The following BIK variants were observed in gnomAD, a reference collection of about 807,000 sequenced individuals.
BIK encodes BCL2 interacting killer.
A neutral mutation model predicts 12.1 loss-of-function variants in BIK; 14 were observed. That is an observed-to-expected ratio of 1.16 (90% CI 0.77 to 1.81). The LOEUF (loss-of-function observed/expected upper bound fraction) is 1.81. Ranked by LOEUF, BIK falls within the 40% of genes most tolerant of loss-of-function variation. BIK has a pLI of 0.00. For synonymous variants in BIK, 86 were observed against 92.3 expected (o/e 0.93, Z 0.39); for missense variants, 215 against 207.9 (o/e 1.03, Z -0.21).
chr22:43,122,627 C>T (rs1035498706), intron 1 of BIK, among the ~76,000 whole-genome samples: 1 of 152,176 alleles, frequency 6.6e-6, no homozygotes, highest in Admixed American at 6.5e-5. Context: ...CAGAACCCTT[C>T]TCTGCCATCA....
intron 1 of BIK, among the ~76,000 whole-genome samples, chr22:43,122,996 G>A (rs752167843): frequency 1.4e-4 from 21 of 152,162 alleles, no homozygotes; most frequent in Non-Finnish European, 2.4e-4. Flanking sequence ...GAGGGCCATG[G>A]TTGGCTTAGA....
intron 3 of BIK, 74 bp from the exon 4 acceptor site, chr22:43,128,422 T>C (rs1601734491): frequency 1.3e-6 from 2 of 1,543,360 alleles, no homozygotes; most frequent in Non-Finnish European, 1.8e-6. Flanking sequence ...GCTGTGATGG[T>C]GTCATCTAAG....
intron 1 of BIK, among the ~76,000 whole-genome samples, chr22:43,112,418 C>T (rs561221725): frequency 3.0e-4 from 45 of 151,818 alleles, no homozygotes; most frequent in Non-Finnish European, 5.2e-4. Context: ...AAGCTAGTCT[C>T]GAACTCCTGA....
intron 1 of BIK, among the ~76,000 whole-genome samples, chr22:43,117,630 A>T (rs1298457559): frequency 1.3e-5 from 2 of 151,552 alleles, no homozygotes; most frequent in Non-Finnish European, 2.9e-5. Flanking sequence ...TCAACCTCCC[A>T]AAGTGCTGGG....
intron 1 of BIK, among the ~76,000 whole-genome samples, chr22:43,111,576 T>C (rs1930012873): frequency 1.3e-5 from 2 of 152,130 alleles, no homozygotes; most frequent in Non-Finnish European, 2.9e-5. Context: ...CTGGTCGTCG[T>C]CTGGGCTCTG....
intron 1 of BIK, among the ~76,000 whole-genome samples, chr22:43,111,425 G>T (rs1289145838): frequency 1.3e-5 from 2 of 152,180 alleles, no homozygotes; most frequent in African/African-American, 2.4e-5. Context: ...GCACAGGTGC[G>T]CCCCAGACTG....
At position 43,129,396 on chromosome 22, in the gene BIK, T is replaced by C; in HGVS notation, c.*91T>C. ...GCTGCTGTTATCTTTTTAACTGTTT[T>C]CTCATGATGCCTTTTTATATTTAAA... On this transcript the variant is annotated 3_prime_UTR_variant, in exon 5 of 5. Coordinates refer to ENST00000216115, the MANE Select transcript of BIK (RefSeq NM_001197.5). 1 of 1,474,420 alleles carries C rather than the reference T, an allele frequency of 6.8e-7. No homozygotes were observed. Among genetic ancestry groups the C allele is most frequent in the Non-Finnish European group, 8.9e-7 (1 of 1,117,758 alleles). 91.3% of individuals were successfully genotyped at this position (1,474,420 alleles called of 1,614,324 possible). A position where few individuals can be genotyped will look rare whatever the true frequency, so the allele number is the denominator to read the frequency against.
rs1929993286 is a variant in BIK at position 43,110,774 on chromosome 22, T to C, written c.-37T>C. The C allele has an allele frequency of 6.6e-6, 1 of 152,090 alleles. No homozygotes were observed. The highest frequency in any genetic ancestry group is 1.5e-5 in the Non-Finnish European group (1 of 68,006). 9.4% of individuals were successfully genotyped at this position (152,090 alleles called of 1,614,324 possible). On this transcript the variant is annotated 5_prime_UTR_variant, in exon 1 of 5. Coordinates refer to ENST00000216115, the MANE Select transcript of BIK (RefSeq NM_001197.5). ...CAGACACGAAGCCTCCCGGGTGGCT[T>C]ACAGACGCTGCCAGCATCGCCGCCG...
At chr22:43,118,128 A>G (rs1022172831) in intron 1 of BIK, among the ~76,000 whole-genome samples, 2 of 151,838 alleles carry the variant, frequency 1.3e-5, no homozygotes, top group African/African-American at 4.8e-5. Flanking sequence ...CCTGTGATCT[A>G]TGGCTTCAAT....
At chr22:43,122,189 C>T (rs1413030717) in intron 1 of BIK, among the ~76,000 whole-genome samples, 1 of 152,240 alleles carries the variant, frequency 6.6e-6, no homozygotes, top group Admixed American at 6.5e-5. Context: ...AGTCATGAAC[C>T]TCTCTAAGCC....
chr22:43,125,041 TTCC>T (rs1424407508), intron 2 of BIK, among the ~76,000 whole-genome samples: 3 of 152,308 alleles, frequency 2.0e-5, no homozygotes, highest in East Asian at 3.9e-4. Flanking sequence ...GAACCGAGAA[TTCC>T]TCCTCCTTTT....
intron 1 of BIK, among the ~76,000 whole-genome samples, chr22:43,111,554 T>C (rs1383213745): frequency 6.6e-6 from 1 of 151,990 alleles, no homozygotes; most frequent in Non-Finnish European, 1.5e-5. Context: ...ACAAGGCTTG[T>C]GGGGTTCGGA....
intron 3 of BIK, 78 bp from the exon 4 acceptor site, chr22:43,128,418 A>G (rs1930364702): frequency 1.3e-6 from 2 of 1,538,794 alleles, no homozygotes; most frequent in Non-Finnish European, 1.8e-6. Context: ...CACAGCTGTG[A>G]TGGTGTCATC....
intron 4 of BIK, 106 bp from the exon 5 acceptor site, chr22:43,129,096 TCGAGCTCCTTC>T: frequency 1.3e-6 from 2 of 1,556,478 alleles, no homozygotes; most frequent in Non-Finnish European, 1.7e-6. Flanking sequence ...TCTGGTCCCC[TCGAGCTCCTTC>T]CCAGTCCCCA....
At chr22:43,121,486 G>A (rs1254444979) in intron 1 of BIK, among the ~76,000 whole-genome samples, 1 of 152,176 alleles carries the variant, frequency 6.6e-6, no homozygotes, top group Non-Finnish European at 1.5e-5. Flanking sequence ...TGCCTGCTGG[G>A]TAAGGGGGCT....
intron 1 of BIK, among the ~76,000 whole-genome samples, chr22:43,115,885 T>G (rs1012813602): frequency 2.6e-5 from 4 of 152,042 alleles, no homozygotes; most frequent in African/African-American, 9.7e-5. Flanking sequence ...GTCTCCCGAG[T>G]AGCTTGGACT....
chr22:43,112,750 A>G (rs1930035799), intron 1 of BIK, among the ~76,000 whole-genome samples: 2 of 151,880 alleles, frequency 1.3e-5, no homozygotes, highest in East Asian at 3.9e-4. Flanking sequence ...CCAAAAATAC[A>G]AAAAATTAAC....
At chr22:43,122,802 C>T (rs1271104817) in intron 1 of BIK, among the ~76,000 whole-genome samples, 1 of 152,172 alleles carries the variant, frequency 6.6e-6, no homozygotes, top group African/African-American at 2.4e-5. Flanking sequence ...GGCCTGGCCG[C>T]TCTCTGCCTC....
intron 1 of BIK, among the ~76,000 whole-genome samples, chr22:43,118,980 C>T (rs996066435): frequency 4.6e-5 from 7 of 152,010 alleles, no homozygotes; most frequent in African/African-American, 1.4e-4. Context: ...CCCCATCTTC[C>T]AGATGAGCCA....
Sources: allele counts gnomAD v4.1 joint callset (sites outside exome capture counted in the v4.1 genomes callset), GRCh38; gene constraint gnomAD v4.1.1; transcripts MANE v1.5; gene names NCBI Gene and HGNC (gene_info 2026-07-23, HGNC 2026-07-21).